Variants in CSMD1 observed in about 807,000 individuals in gnomAD.
CSMD1 encodes the protein CUB and sushi domain-containing protein 1.
In CSMD1, 213 loss-of-function variants were observed where a neutral mutation model predicts 417.5. The observed-to-expected ratio is 0.51, with a 90% CI of 0.46 to 0.57. CSMD1 has a LOEUF of 0.57. CSMD1 is among the 20% of genes least tolerant of loss of function. CSMD1 has a pLI of 0.00. For missense variants in CSMD1, 6,923 were observed against 4,529.7 expected (o/e 1.53, Z -15.17); for synonymous variants, 2,862 against 1,736.8 (o/e 1.65, Z -16.11).
chr8:4,670,847 G>A (rs190292505), intron 1 of CSMD1, among the ~76,000 whole-genome samples: 5 of 152,292 alleles, frequency 3.3e-5, no homozygotes, highest in East Asian at 3.9e-4. Context: ...GCAAAAGAAC[G>A]TGTTTGTGTT....
chr8:3,039,878 T>C (rs2128983049), intron 50 of CSMD1, among the ~76,000 whole-genome samples: 1 of 152,264 alleles, frequency 6.6e-6, no homozygotes, highest in East Asian at 1.9e-4. Flanking sequence ...AGATTTGCCG[T>C]CCCCAATATC....
chr8:3,681,900 A>C (rs189480508), intron 7 of CSMD1, among the ~76,000 whole-genome samples: 221 of 152,320 alleles, frequency 1.5e-3, no homozygotes, highest in East Asian at 9.5e-3. Flanking sequence ...ATCTACGACT[A>C]TCTGATCTTT....
At chr8:4,872,681 A>G (rs887118007) in intron 1 of CSMD1, among the ~76,000 whole-genome samples, 9 of 152,134 alleles carry the variant, frequency 5.9e-5, no homozygotes, top group African/African-American at 1.9e-4. Flanking sequence ...AGAATTCACA[A>G]TACAACTTGC....
At chr8:4,691,227 G>C (rs890107162) in intron 1 of CSMD1, among the ~76,000 whole-genome samples, 1 of 152,136 alleles carries the variant, frequency 6.6e-6, no homozygotes, top group African/African-American at 2.4e-5. Context: ...GGGCTGGTGA[G>C]CAGAAATTAA....
At chr8:4,854,915 G>A (rs898958871) in intron 1 of CSMD1, among the ~76,000 whole-genome samples, 1 of 152,192 alleles carries the variant, frequency 6.6e-6, no homozygotes, top group African/African-American at 2.4e-5. Context: ...GCCCAGCACA[G>A]CTCAAGGAGG....
chr8:4,230,864 C>G (rs1032132942), intron 3 of CSMD1, among the ~76,000 whole-genome samples: 2 of 152,038 alleles, frequency 1.3e-5, no homozygotes, highest in East Asian at 1.9e-4. Flanking sequence ...ATTATAGATT[C>G]TTTAACGGCA....
intron 26 of CSMD1, among the ~76,000 whole-genome samples, chr8:3,271,092 C>T (rs1344182446): frequency 8.1e-6 from 1 of 122,806 alleles, no homozygotes; most frequent in Non-Finnish European, 1.6e-5. Flanking sequence ...CCCCACCCCA[C>T]AACAGTCCCC....
chr8:4,436,066 A>T (rs1397677619), intron 2 of CSMD1, among the ~76,000 whole-genome samples: 2 of 152,196 alleles, frequency 1.3e-5, no homozygotes, highest in Non-Finnish European at 2.9e-5. Flanking sequence ...AGATCTTATA[A>T]TTCCAAGTTT....
chr8:4,169,176 T>G (rs1797624115), intron 3 of CSMD1, among the ~76,000 whole-genome samples: 1 of 152,156 alleles, frequency 6.6e-6, no homozygotes, highest in Non-Finnish European at 1.5e-5. Flanking sequence ...CTCTACGGTT[T>G]CAGAATGTTA....
intron 1 of CSMD1, among the ~76,000 whole-genome samples, chr8:4,942,216 A>G (rs1295293446): frequency 6.6e-6 from 1 of 152,258 alleles, no homozygotes; most frequent in South Asian, 2.1e-4. Flanking sequence ...AGACACATAT[A>G]AACCAGGCTT....
chr8:4,975,238 C>G (rs997309952), intron 1 of CSMD1, among the ~76,000 whole-genome samples: 7 of 152,100 alleles, frequency 4.6e-5, no homozygotes, highest in African/African-American at 1.7e-4. Context: ...GAAAAAAAGT[C>G]TCCAAGGATA....
chr8:4,075,567 T>C (rs1310402129), intron 3 of CSMD1, among the ~76,000 whole-genome samples: 1 of 152,206 alleles, frequency 6.6e-6, no homozygotes, highest in Non-Finnish European at 1.5e-5. Context: ...TGGTAAAATA[T>C]TAAACGATGA....
chr8:4,384,352 C>T (rs868684585), intron 3 of CSMD1, among the ~76,000 whole-genome samples: 5 of 152,078 alleles, frequency 3.3e-5, no homozygotes, highest in Admixed American at 6.5e-5. Flanking sequence ...CACAATGCAA[C>T]GCATCTGAGG....
intron 8 of CSMD1, among the ~76,000 whole-genome samples, chr8:3,604,351 A>C (rs201339934): frequency 6.6e-6 from 1 of 152,218 alleles, no homozygotes; most frequent in Non-Finnish European, 1.5e-5. Flanking sequence ...AGTAGCACGG[A>C]ACAGGTACCT....
rs1338940992 is a variant in CSMD1, at chr8:2,937,629, G to C, written c.*956C>G. 2 of 152,156 alleles carry C rather than the reference G, an allele frequency of 1.3e-5. No homozygotes were observed. Among genetic ancestry groups the C allele is most frequent in the Non-Finnish European group, 2.9e-5 (2 of 68,036 alleles). The allele number at this position is 152,156 out of a possible 1,614,324, so 9.4% of individuals were successfully genotyped here. On this transcript the variant is annotated 3_prime_UTR_variant, in exon 70 of 70. Transcript: ENST00000635120. ...TAATTGGATGAGGATGGTACTAAAG[G>C]AGGAAAACGTGTGAAATAAGGAGGC...
chr8:3,389,073 T>G (rs896276199), intron 17 of CSMD1, among the ~76,000 whole-genome samples: 9 of 152,216 alleles, frequency 5.9e-5, no homozygotes, highest in African/African-American at 2.2e-4. Flanking sequence ...TTACTTTTAT[T>G]TTAAAACCCA....
chr8:4,464,417 T>C (rs1327962931), intron 2 of CSMD1, among the ~76,000 whole-genome samples: 4 of 152,216 alleles, frequency 2.6e-5, no homozygotes, highest in Admixed American at 6.5e-5. Flanking sequence ...TAGCTTAGCC[T>C]TGCCTACCTT....
At chr8:4,554,215 C>T (rs181179516) in intron 2 of CSMD1, among the ~76,000 whole-genome samples, 1 of 152,150 alleles carries the variant, frequency 6.6e-6, no homozygotes, top group South Asian at 2.1e-4. Context: ...CGGCTCACTG[C>T]AACCTATGCT....
intron 10 of CSMD1, among the ~76,000 whole-genome samples, chr8:3,551,659 C>A (rs913210598): frequency 2.0e-5 from 3 of 147,272 alleles, no homozygotes; most frequent in African/African-American, 7.5e-5. Flanking sequence ...TAATACCAAG[C>A]CAGTGTATAG....
Sources: allele counts gnomAD v4.1 joint callset (sites outside exome capture counted in the v4.1 genomes callset), GRCh38; gene constraint gnomAD v4.1.1; transcripts MANE v1.5; gene names NCBI Gene and HGNC (gene_info 2026-07-23, HGNC 2026-07-21).